SLC16A4: variants seen among roughly 807,000 people sequenced by gnomAD.
SLC16A4 encodes solute carrier family 16 member 4, also known as probable monocarboxylate transporter 5.
A neutral mutation model predicts 47.9 loss-of-function variants in SLC16A4; 39 were observed. The observed-to-expected ratio is 0.81, with a 90% CI of 0.63 to 1.06. The LOEUF (loss-of-function observed/expected upper bound fraction) is 1.06. SLC16A4 is among the 50% of genes least tolerant of loss of function. The pLI is 0.00. For synonymous variants in SLC16A4, 189 were observed against 199.9 expected, an observed-to-expected ratio of 0.95 and a Z score of 0.46; for missense variants, 524 against 573.8, an observed-to-expected ratio of 0.91 and a Z score of 0.89.
rs777859914 is a variant in SLC16A4 at position 110,379,235 on chromosome 1, A to C, written c.648T>G (p.Ser216=). The change falls in exon 6 of 9, where the codon TCT becomes TCG. Residue 216 remains serine, a synonymous_variant. Coordinates refer to ENST00000369779, the MANE Select transcript of SLC16A4 (RefSeq NM_004696.3). ...TTGCATGTGCCTCTGGACCATGTGC[A>C]GACAAACTGCTGCCTTTATCTTTAA... ...SGIKDKGSSL[S]AHGPEAHATE... The C allele has an allele frequency of 1.2e-6, 2 of 1,614,126 alleles. No homozygotes were observed. The highest frequency in any genetic ancestry group is 1.7e-6 in the Non-Finnish European group (2 of 1,180,048).
rs534876859 is a variant in SLC16A4, at chr1:110,370,253, T to C, written c.1336+5205A>G. 32 of 152,196 alleles carry C rather than the reference T, an allele frequency of 2.1e-4. 1 individual carries two copies. The highest frequency in any genetic ancestry group is 6.0e-4 in the African/African-American group (25 of 41,522). 9.4% of individuals were successfully genotyped at this position (152,196 alleles called of 1,614,324 possible). A position where few individuals can be genotyped will look rare whatever the true frequency, so the allele number is the denominator to read the frequency against. ...TATTTACTTTTTTTTAGCCTTTTTTTCCCCCCACAGAACATATAGAGGACA... is the reference window on the plus strand; with the variant it reads ...TATTTACTTTTTTTTAGCCTTTTTTCCCCCCCACAGAACATATAGAGGACA... On this transcript the variant is annotated intron_variant, in intron 8 of 8. Coordinates refer to ENST00000369779, the MANE Select transcript of SLC16A4 (RefSeq NM_004696.3).
At chr1:110,368,407 G>A (rs1279135128) in intron 8 of SLC16A4, among the ~76,000 whole-genome samples, 1 of 152,174 alleles carries the variant, frequency 6.6e-6, no homozygotes, top group Non-Finnish European at 1.5e-5. Flanking sequence ...TTATTAAGCT[G>A]AAGACCTCTG....
At chr1:110,364,753 C>T (rs546921082) in intron 8 of SLC16A4, among the ~76,000 whole-genome samples, 1 of 152,176 alleles carries the variant, frequency 6.6e-6, no homozygotes, top group East Asian at 1.9e-4. Context: ...TCCAGTGATC[C>T]GCCTACCTCG....
chr1:110,376,821 A>T, intron 7 of SLC16A4, 129 bp downstream of exon 7: 2 of 756,252 alleles, frequency 2.6e-6, no homozygotes, highest in Non-Finnish European at 4.2e-6. Context: ...ATAGCTGCAG[A>T]GTTTCTAAGG....
chr1:110,371,575 G>C (rs775444750), intron 8 of SLC16A4: 3 of 152,262 alleles, frequency 2.0e-5, no homozygotes, highest in East Asian at 1.9e-4. Flanking sequence ...GAGAAATAAG[G>C]CTTAAAATAT....
intron 8 of SLC16A4, among the ~76,000 whole-genome samples, chr1:110,373,863 G>A (rs544455001): frequency 2.6e-5 from 4 of 151,126 alleles, no homozygotes; most frequent in African/African-American, 9.7e-5. Context: ...TTTTTGTAGA[G>A]ATGGTGCCTC....
At chr1:110,383,369 G>A (rs1313221796) in intron 2 of SLC16A4, among the ~76,000 whole-genome samples, 1 of 152,198 alleles carries the variant, frequency 6.6e-6, no homozygotes, top group Admixed American at 6.5e-5. Context: ...AGACCAATCA[G>A]TTTCCCCGAG....
At chr1:110,377,911 G>A (rs1017147600) in intron 6 of SLC16A4, among the ~76,000 whole-genome samples, 8 of 152,110 alleles carry the variant, frequency 5.3e-5, no homozygotes, top group Admixed American at 3.9e-4. Context: ...CTCACTGCAA[G>A]CTCCGCCTCC....
chr1:110,372,832 T>G (rs1661754912), intron 8 of SLC16A4: 1 of 152,070 alleles, frequency 6.6e-6, no homozygotes, highest in Admixed American at 6.6e-5. Context: ...ATATTATGAG[T>G]TTTTTATCCT....
At chr1:110,388,563 G>C (rs1282993451) in intron 2 of SLC16A4, among the ~76,000 whole-genome samples, 1 of 152,154 alleles carries the variant, frequency 6.6e-6, no homozygotes, top group Non-Finnish European at 1.5e-5. Context: ...GCACTTTTTA[G>C]CACCTCCCAG....
intron 2 of SLC16A4, among the ~76,000 whole-genome samples, chr1:110,385,028 A>G (rs535688987): frequency 6.6e-6 from 1 of 152,126 alleles, no homozygotes; most frequent in East Asian, 1.9e-4. Context: ...ATAATAATAA[A>G]AGAACCACAA....
intron 1 of SLC16A4, among the ~76,000 whole-genome samples, chr1:110,390,276 C>T (rs1662969509): frequency 1.3e-5 from 2 of 152,162 alleles, no homozygotes; most frequent in Admixed American, 1.3e-4. Context: ...GTGCGTCACC[C>T]TGCTGGTCCT....
In SLC16A4 at chr1:110,363,551, A is replaced by T; in HGVS notation, c.*215T>A. 1 of 303,510 alleles carries T rather than the reference A, an allele frequency of 3.3e-6. No homozygotes were observed. Among genetic ancestry groups the T allele is most frequent in the East Asian group, 7.4e-5 (1 of 13,536 alleles). The allele number at this position is 303,510 out of a possible 1,614,324, so 18.8% of individuals were successfully genotyped here. On this transcript the variant is annotated 3_prime_UTR_variant, in exon 9 of 9. Transcript: ENST00000369779. ...TGAGGCAGGAGAATCCCTTGAACCC[A>T]GGAGGCGGAGATTACAGTGAGCCGA...
At chr1:110,384,884 A>G (rs1033546500) in intron 2 of SLC16A4, among the ~76,000 whole-genome samples, 3 of 152,150 alleles carry the variant, frequency 2.0e-5, no homozygotes, top group African/African-American at 7.2e-5. Flanking sequence ...TAGTGGTATA[A>G]CACCTGTAGT....
chr1:110,370,990 C>G (rs1193266958), intron 8 of SLC16A4: 2 of 152,126 alleles, frequency 1.3e-5, no homozygotes, highest in Non-Finnish European at 2.9e-5. Context: ...GTATGAAGTC[C>G]TGGCAGTGTA....
intron 4 of SLC16A4, 93 bp from the exon 5 acceptor site, chr1:110,381,236 A>G (rs1444563539): frequency 1.7e-6 from 2 of 1,191,366 alleles, no homozygotes; most frequent in African/African-American, 3.1e-5. Flanking sequence ...TAATACAGCT[A>G]GGCCTTTTGG....
intron 8 of SLC16A4, among the ~76,000 whole-genome samples, chr1:110,367,627 T>G (rs1413438904): frequency 5.9e-5 from 9 of 151,808 alleles, no homozygotes; most frequent in African/African-American, 1.9e-4. Flanking sequence ...GCCCAGGAGG[T>G]TGAGGCTACA....
chr1:110,376,928 G>A (rs1442951821), intron 7 of SLC16A4, 22 bp downstream of exon 7: 6 of 1,590,672 alleles, frequency 3.8e-6, no homozygotes, highest in African/African-American at 1.3e-5. Flanking sequence ...GTTTAACAAT[G>A]TTAATGAGTG....
intron 6 of SLC16A4, 35 bp downstream of exon 6, chr1:110,378,818 C>T (rs1662173372): frequency 3.2e-6 from 5 of 1,544,916 alleles, no homozygotes; most frequent in Non-Finnish European, 3.5e-6. Context: ...GTTGATCTTT[C>T]CTTTTGGGTA....
Sources: gnomAD v4.1 joint callset for allele counts (sites outside exome capture counted in the v4.1 genomes callset) on GRCh38, gnomAD v4.1.1 for gene constraint, MANE v1.5 for transcripts, NCBI Gene and HGNC (gene_info 2026-07-23, HGNC 2026-07-21) for gene names.